SPATA3: variants seen among roughly 807,000 people sequenced by gnomAD.
The protein encoded by SPATA3 is spermatogenesis associated 3, also known as spermatogenesis-associated protein 3.
Under a neutral mutation model 5.7 loss-of-function variants are expected in SPATA3, and 6 were observed. The ratio of observed to expected loss-of-function variants is 1.06; its 90% CI spans 0.58 to 2.09. The LOEUF is 2.09. SPATA3 is among the 30% of genes most tolerant of loss of function. SPATA3 has a pLI of 0.00. For missense variants in SPATA3, 155 were observed against 130.4 expected (o/e 1.19, Z -0.92); for synonymous variants, 44 against 48.4 (o/e 0.91, Z 0.37).
At chr2:231,019,112 G>T (rs534063999) in intron 6 of SPATA3, among the ~76,000 whole-genome samples, 126 of 139,642 alleles carry the variant, frequency 9.0e-4, no homozygotes, top group Middle Eastern at 8.2e-3. Flanking sequence ...GACTACAGGC[G>T]CCCGCCACAA....
At chr2:231,000,580 C>A in intron 2 of SPATA3, 43 bp downstream of exon 2, 2 of 1,441,736 alleles carry the variant, frequency 1.4e-6, no homozygotes, top group Non-Finnish European at 1.8e-6. Flanking sequence ...ACACAGTCCC[C>A]AGGGCCAGGC....
downstream of SPATA3, among the ~76,000 whole-genome samples, chr2:231,003,393 G>A (rs984274675): frequency 2.7e-5 from 4 of 148,420 alleles, no homozygotes; most frequent in African/African-American, 7.4e-5. Context: ...TGGAAGCAGA[G>A]CCTGAGACTG....
At chr2:231,004,668 G>C (rs1224694918), downstream of SPATA3, among the ~76,000 whole-genome samples, 1 of 152,174 alleles carries the variant, frequency 6.6e-6, no homozygotes, top group Non-Finnish European at 1.5e-5. Context: ...CCTTGCAGCA[G>C]AACCTACTGG....
At chr2:231,008,468 TG>T (rs1692702420), downstream of SPATA3, among the ~76,000 whole-genome samples, 1 of 152,152 alleles carries the variant, frequency 6.6e-6, no homozygotes, top group Admixed American at 6.5e-5. Flanking sequence ...GGGCAGCCAC[TG>T]GGAAGGCAGG....
At chr2:231,000,236 C>G (rs1692292855) in intron 1 of SPATA3, 130 bp from the exon 2 acceptor site, 1 of 832,966 alleles carries the variant, frequency 1.2e-6, no homozygotes, top group African/African-American at 1.7e-5. Context: ...TGGAAAAAAT[C>G]CAGCGTTCGC....
chr2:231,004,344 T>G (rs139405615), downstream of SPATA3, among the ~76,000 whole-genome samples: 105 of 152,290 alleles, frequency 6.9e-4, 1 homozygote, highest in Non-Finnish European at 1.2e-3. Flanking sequence ...CAGAGCTCAC[T>G]GCTGGGGGGT....
chr2:231,010,783 A>G (rs950153223), downstream of SPATA3, among the ~76,000 whole-genome samples: 13 of 152,062 alleles, frequency 8.5e-5, no homozygotes, highest in African/African-American at 1.9e-4. Flanking sequence ...AAGACCATCA[A>G]CTGGCCTGGT....
intron 6 of SPATA3, among the ~76,000 whole-genome samples, chr2:231,019,056 T>C (rs1181647382): frequency 2.1e-5 from 3 of 145,500 alleles, no homozygotes; most frequent in African/African-American, 7.7e-5. Flanking sequence ...AAGCTCCGCC[T>C]CCCAGGTTCA....
At chr2:231,000,485 G>C in exon 2 of SPATA3, 1 of 1,549,602 alleles carries the variant, frequency 6.5e-7, no homozygotes, top group East Asian at 2.4e-5. Context: ...TCTGCCTCGG[G>C]ACTGGCAGAT....
chr2:231,008,334 G>GGTGACAGC (rs775693087), downstream of SPATA3, among the ~76,000 whole-genome samples: 151 of 152,212 alleles, frequency 9.9e-4, no homozygotes, highest in Non-Finnish European at 9.3e-4. Flanking sequence ...GCACTGGAAC[G>GGTGACAGC]GTGACAGCGG....
rs1217097175 is a variant in SPATA3, at chr2:231,000,545, G to C, written c.962+8G>C. Reference sequence around the variant, plus strand: ...CCTGCTCACCTTCTACAGGTTCCAAGCGCGAGGGGCTGGAGCCTCGGGGCA... The same window carrying C: ...CCTGCTCACCTTCTACAGGTTCCAACCGCGAGGGGCTGGAGCCTCGGGGCA... On this transcript the variant is annotated splice_region_variant and intron_variant, in intron 2 of 2. Coordinates refer to ENST00000645363, the Ensembl canonical transcript of SPATA3. The C allele has an allele frequency of 1.4e-5, 21 of 1,509,818 alleles. No individual in the cohort carries two copies. Among genetic ancestry groups the C allele is most frequent in the Non-Finnish European group, 5.3e-6 (6 of 1,121,814 alleles). The allele number at this position is 1,509,818 out of a possible 1,614,324, so 93.5% of individuals were successfully genotyped here. A position where few individuals can be genotyped will look rare whatever the true frequency, so the allele number is the denominator to read the frequency against.
At chr2:231,011,453 G>T (rs796491106), downstream of SPATA3, among the ~76,000 whole-genome samples, 9 of 152,252 alleles carry the variant, frequency 5.9e-5, no homozygotes, top group African/African-American at 2.2e-4. Context: ...ATCCATCGAA[G>T]TGCAGAAGAA....
At position 231,013,177 on chromosome 2, in the gene SPATA3, C is replaced by T. The variant is rs569868107; in HGVS notation, c.*226+480C>T. Among the ~76,000 whole-genome samples the T allele has an allele frequency of 1.2e-4, 18 of 152,282 alleles. No individual in the cohort carries two copies. The South Asian group carries it at 3.7e-3, about 32-fold the overall frequency. On this transcript the variant is annotated intron_variant, in intron 5 of 8. Coordinates refer to the SPATA3 transcript ENST00000452881. The stretch of plus-strand genomic sequence containing the variant: ...CAAGACTCACCACCGAGTCTCCCCA[C>T]CTACCAGCGCCCTCTTGAGTATCCA...
At chr2:231,010,330 G>C (rs557672779), downstream of SPATA3, among the ~76,000 whole-genome samples, 8 of 152,358 alleles carry the variant, frequency 5.3e-5, no homozygotes, top group African/African-American at 1.7e-4. Flanking sequence ...CGGATCTAAT[G>C]CTAATAGACT....
intron 1 of SPATA3, among the ~76,000 whole-genome samples, chr2:231,000,039 T>C (rs1361220459): frequency 6.6e-6 from 1 of 152,180 alleles, no homozygotes; most frequent in African/African-American, 2.4e-5. Flanking sequence ...GTGTAAGCCA[T>C]GGCACCATCA....
intron 6 of SPATA3, among the ~76,000 whole-genome samples, chr2:231,019,187 T>C (rs1004018280): frequency 2.0e-5 from 3 of 150,998 alleles, no homozygotes; most frequent in Non-Finnish European, 2.9e-5. Flanking sequence ...GCCAGGATGG[T>C]CTCGATCTCC....
downstream of SPATA3, among the ~76,000 whole-genome samples, chr2:231,005,022 TCAC>T (rs201418446): frequency 1.6e-5 from 1 of 62,864 alleles, no homozygotes; most frequent in East Asian, 5.9e-4. Flanking sequence ...ATCATCACCA[TCAC>T]CATCATCACC....
chr2:231,001,810 C>G (rs944743949), intron 2 of SPATA3, among the ~76,000 whole-genome samples: 1 of 152,130 alleles, frequency 6.6e-6, no homozygotes, highest in Admixed American at 6.6e-5. Flanking sequence ...ATTTAGAAAC[C>G]AAGATGCAAG....
At chr2:231,018,120 T>G (rs531602526) in intron 6 of SPATA3, among the ~76,000 whole-genome samples, 1 of 152,212 alleles carries the variant, frequency 6.6e-6, no homozygotes, top group South Asian at 2.1e-4. Context: ...AGATGGGGTT[T>G]CAACATGTTG....
Sources: gnomAD v4.1 joint callset for allele counts (sites outside exome capture counted in the v4.1 genomes callset) on GRCh38, gnomAD v4.1.1 for gene constraint, MANE v1.5 for transcripts, NCBI Gene and HGNC (gene_info 2026-07-23, HGNC 2026-07-21) for gene names.